Variants in MELK observed in about 807,000 individuals in gnomAD.
MELK encodes pEg3 kinase.
In MELK, 81 loss-of-function variants were observed where a neutral mutation model predicts 85.0. The observed-to-expected ratio is 0.95, with a 90% CI of 0.80 to 1.15. The LOEUF (loss-of-function observed/expected upper bound fraction) is 1.15, where lower values mean the gene tolerates loss of function less well. Among genes scored for constraint, MELK ranks in the 50% most tolerant of loss-of-function variants. MELK has a pLI of 0.00. For missense variants in MELK, 754 were observed against 777.5 expected, an observed-to-expected ratio of 0.97 and a Z score of 0.36; for synonymous variants, 252 against 265.0, an observed-to-expected ratio of 0.95 and a Z score of 0.48.
At chr9:36,668,238 C>T (rs1423752402) in intron 14 of MELK, among the ~76,000 whole-genome samples, 1 of 152,150 alleles carries the variant, frequency 6.6e-6, no homozygotes. Context: ...TTTCTGATTG[C>T]TCTTATTTTC....
intron 7 of MELK, among the ~76,000 whole-genome samples, chr9:36,602,318 C>G (rs1041473124): frequency 6.6e-5 from 10 of 151,610 alleles, no homozygotes; most frequent in African/African-American, 2.4e-4. Context: ...TGATGAATCC[C>G]TGTCTCTATT....
intron 1 of MELK, among the ~76,000 whole-genome samples, chr9:36,574,474 A>T (rs1042835825): frequency 1.3e-5 from 2 of 151,286 alleles, no homozygotes; most frequent in African/African-American, 4.9e-5. Context: ...ATGGTGGCGC[A>T]TGCCTGTAAT....
At chr9:36,630,879 C>T (rs1481697254) in intron 9 of MELK, among the ~76,000 whole-genome samples, 1 of 151,816 alleles carries the variant, frequency 6.6e-6, no homozygotes, top group Non-Finnish European at 1.5e-5. Flanking sequence ...GTCTCGAACT[C>T]CTGACCTCAA....
intron 4 of MELK, among the ~76,000 whole-genome samples, chr9:36,590,644 T>C (rs1441068232): frequency 6.6e-6 from 1 of 152,228 alleles, no homozygotes; most frequent in Non-Finnish European, 1.5e-5. Context: ...ATTTCAAGTT[T>C]TAACTTGCCA....
chr9:36,615,960 A>G (rs916711862), intron 8 of MELK, among the ~76,000 whole-genome samples: 150 of 151,878 alleles, frequency 9.9e-4, no homozygotes, highest in Non-Finnish European at 1.5e-3. Context: ...GGTGGCGGCC[A>G]GGCAGAGGCT....
At chr9:36,604,834 G>C (rs1219215189) in intron 7 of MELK, among the ~76,000 whole-genome samples, 3 of 151,962 alleles carry the variant, frequency 2.0e-5, no homozygotes, top group African/African-American at 4.8e-5. Flanking sequence ...GTAGAGACGG[G>C]GTTTCTCCAT....
At chr9:36,627,683 A>G (rs1013718606) in intron 8 of MELK, among the ~76,000 whole-genome samples, 1 of 150,950 alleles carries the variant, frequency 6.6e-6, no homozygotes, top group Non-Finnish European at 1.5e-5. Flanking sequence ...GCCCGCCACC[A>G]CACCTGGCTA....
In MELK at chr9:36,671,073, TG is replaced by T. The variant is rs1415189711; in HGVS notation, c.1584del (p.Ser529AlafsTer29). 1 of 1,613,342 alleles carries T rather than the reference TG, an allele frequency of 6.2e-7. No individual in the cohort carries two copies. The highest frequency in any genetic ancestry group is 1.3e-5 in the African/African-American group (1 of 74,888). Reference sequence around the variant, plus strand: ...CAAAAAGAAAGGGAGCCAAAGTGTTTGGGAGCCTTGAAAGGGGGTTGGATAA... The same window carrying T: ...CAAAAAGAAAGGGAGCCAAAGTGTTTGGAGCCTTGAAAGGGGGTTGGATAA... The part of the protein sequence containing the change: ...TPKRKGAKVF[G>X]SLERGLDKVI... On this transcript the variant is annotated frameshift_variant, in exon 16 of 18. Coordinates refer to ENST00000298048, the MANE Select transcript of MELK (RefSeq NM_014791.4). LOFTEE classifies it high-confidence loss of function.
intron 3 of MELK, among the ~76,000 whole-genome samples, chr9:36,586,130 C>T (rs1375558016): frequency 6.6e-6 from 1 of 151,972 alleles, no homozygotes; most frequent in Non-Finnish European, 1.5e-5. Context: ...TGCCTGAGCT[C>T]AGGAGTTTGA....
At chr9:36,645,345 C>T (rs555579021) in intron 11 of MELK, among the ~76,000 whole-genome samples, 53 of 149,724 alleles carry the variant, frequency 3.5e-4, no homozygotes, top group Admixed American at 1.1e-3. Context: ...ACGTCTCTAC[C>T]TATAATTTTC....
chr9:36,614,425 G>GGT (rs375294474), intron 8 of MELK, among the ~76,000 whole-genome samples: 3 of 118,990 alleles, frequency 2.5e-5, no homozygotes, highest in Admixed American at 8.5e-5. Context: ...TTATTTTTGG[G>GGT]TTTTTTTTTT....
chr9:36,611,138 G>A (rs1826018851), intron 8 of MELK, among the ~76,000 whole-genome samples: 1 of 152,174 alleles, frequency 6.6e-6, no homozygotes. Context: ...TTGGGTAAGG[G>A]ATACTCGGCT....
chr9:36,596,223 C>T (rs998932863), intron 5 of MELK, among the ~76,000 whole-genome samples: 1 of 152,286 alleles, frequency 6.6e-6, no homozygotes, highest in East Asian at 1.9e-4. Context: ...AGTTGACTCT[C>T]AGAACACCAA....
intron 12 of MELK, among the ~76,000 whole-genome samples, chr9:36,653,678 C>G (rs1054734309): frequency 2.0e-5 from 3 of 152,042 alleles, no homozygotes; most frequent in East Asian, 1.9e-4. Context: ...GTACCTCATC[C>G]TCAGAGAAAG....
chr9:36,647,605 C>T (rs1453339524), intron 11 of MELK, among the ~76,000 whole-genome samples: 1 of 152,042 alleles, frequency 6.6e-6, no homozygotes, highest in Non-Finnish European at 1.5e-5. Context: ...TCTCCTGCCT[C>T]AGCCTCCCAT....
At chr9:36,575,597 GAAGA>G (rs1376862013) in intron 1 of MELK, among the ~76,000 whole-genome samples, 1 of 151,648 alleles carries the variant, frequency 6.6e-6, no homozygotes, top group Admixed American at 6.6e-5. Context: ...AGAGAAAATG[GAAGA>G]AAGAAAGAAA....
intron 13 of MELK, among the ~76,000 whole-genome samples, chr9:36,657,632 C>T (rs974199134): frequency 6.6e-6 from 1 of 152,192 alleles, no homozygotes; most frequent in African/African-American, 2.4e-5. Flanking sequence ...GCTCTGTTGG[C>T]CAGGCTGGAG....
intron 7 of MELK, among the ~76,000 whole-genome samples, chr9:36,601,047 GT>G (rs1351026102): frequency 1.3e-5 from 2 of 151,762 alleles, no homozygotes; most frequent in Admixed American, 6.6e-5. Flanking sequence ...TCATTTGAGA[GT>G]TAGCTAGAAA....
chr9:36,645,542 A>G (rs147452738), intron 11 of MELK, among the ~76,000 whole-genome samples: 59 of 152,018 alleles, frequency 3.9e-4, no homozygotes, highest in South Asian at 1.9e-3. Context: ...CTTCCTTTGT[A>G]CTCTTTTCTC....
Sources: allele counts gnomAD v4.1 joint callset (sites outside exome capture counted in the v4.1 genomes callset), GRCh38; gene constraint gnomAD v4.1.1; transcripts MANE v1.5; gene names NCBI Gene and HGNC (gene_info 2026-07-23, HGNC 2026-07-21).